PRKG1: variants seen among roughly 807,000 people sequenced by gnomAD.
PRKG1 encodes cGMP-dependent protein kinase 1.
A neutral mutation model predicts 88.1 loss-of-function variants in PRKG1; 35 were observed. The observed-to-expected ratio is 0.40, with a 90% CI of 0.30 to 0.53. The LOEUF is 0.53. PRKG1 is among the 20% of genes least tolerant of loss of function. PRKG1 has a pLI of 0.59. For synonymous variants in PRKG1, 303 were observed against 292.5 expected (o/e 1.04, Z -0.37); for missense variants, 540 against 839.8 (o/e 0.64, Z 4.41).
intron 3 of PRKG1, among the ~76,000 whole-genome samples, chr10:51,745,439 TA>T (rs1291581743): frequency 6.6e-6 from 1 of 152,168 alleles, no homozygotes; most frequent in East Asian, 1.9e-4. Flanking sequence ...TTCCAATTAG[TA>T]CACTTTAAAT....
intron 5 of PRKG1, among the ~76,000 whole-genome samples, chr10:51,953,018 GCCCTTTGCTCAAATGC>G (rs1292201968): frequency 6.6e-6 from 1 of 152,136 alleles, no homozygotes; most frequent in African/African-American, 2.4e-5. Flanking sequence ...TCTTCTAAAT[GCCCTTTGCTCAAATGC>G]ATACATTTTG....
chr10:51,600,141 CTTT>C (rs1203027265), intron 3 of PRKG1, among the ~76,000 whole-genome samples: 1 of 152,116 alleles, frequency 6.6e-6, no homozygotes, highest in African/African-American at 2.4e-5. Flanking sequence ...AGCTCCCCTT[CTTT>C]GTTTCATGAT....
chr10:51,464,240 A>G (rs1217007723), intron 2 of PRKG1, among the ~76,000 whole-genome samples: 3 of 151,986 alleles, frequency 2.0e-5, no homozygotes, highest in Non-Finnish European at 4.4e-5. Flanking sequence ...GTGAGCCAAG[A>G]TGACACCACT....
At chr10:51,779,111 T>C (rs1838518189) in intron 3 of PRKG1, among the ~76,000 whole-genome samples, 1 of 152,216 alleles carries the variant, frequency 6.6e-6, no homozygotes, top group South Asian at 2.1e-4. Context: ...GCCCTATATT[T>C]CCATAAAAGA....
intron 2 of PRKG1, among the ~76,000 whole-genome samples, chr10:51,316,903 G>C (rs1841336680): frequency 6.6e-6 from 1 of 152,090 alleles, no homozygotes; most frequent in Non-Finnish European, 1.5e-5. Context: ...ACAAAAATGA[G>C]TGGATAGTTA....
intron 3 of PRKG1, among the ~76,000 whole-genome samples, chr10:51,502,844 A>G (rs1354154104): frequency 6.6e-6 from 1 of 152,148 alleles, no homozygotes; most frequent in Non-Finnish European, 1.5e-5. Context: ...AAACTAAATT[A>G]CAATGCCAGG....
intron 2 of PRKG1, among the ~76,000 whole-genome samples, chr10:51,392,869 C>A (rs1298308564): frequency 2.1e-5 from 3 of 140,800 alleles, no homozygotes; most frequent in Non-Finnish European, 3.1e-5. Flanking sequence ...CTGACCCCCC[C>A]ACCTCCCTCC....
intron 3 of PRKG1, among the ~76,000 whole-genome samples, chr10:51,565,637 T>TAATTA (rs1483730766): frequency 6.6e-6 from 1 of 152,116 alleles, no homozygotes; most frequent in African/African-American, 2.4e-5. Context: ...GTATATCCAA[T>TAATTA]GTGCAAACTA....
intron 7 of PRKG1, chr10:52,128,583 T>C: frequency 1.0e-6 from 1 of 984,852 alleles, no homozygotes. Flanking sequence ...TTTTGGGATA[T>C]TTTTCATGCT....
intron 3 of PRKG1, among the ~76,000 whole-genome samples, chr10:51,534,272 C>T (rs1327916840): frequency 6.6e-6 from 1 of 152,118 alleles, no homozygotes; most frequent in East Asian, 1.9e-4. Context: ...AATCAATAAA[C>T]TTACAAACTC....
intron 9 of PRKG1, among the ~76,000 whole-genome samples, chr10:52,233,444 C>T (rs1299118153): frequency 8.1e-5 from 12 of 148,800 alleles, no homozygotes; most frequent in Non-Finnish European, 1.5e-4. Flanking sequence ...TGGGCGCAGG[C>T]CAGTGGGTGC....
At chr10:51,735,038 T>C (rs1206751266) in intron 3 of PRKG1, among the ~76,000 whole-genome samples, 2 of 152,210 alleles carry the variant, frequency 1.3e-5, no homozygotes, top group Admixed American at 6.5e-5. Context: ...CAGAGTGAGA[T>C]AGGGAATTAG....
chr10:51,074,692 G>C lies in PRKG1; in HGVS notation c.102G>C (p.Gln34His). 6.2e-7 allele frequency: 1 copy of C among 1,614,016 alleles called. No homozygotes were observed. The highest frequency in any genetic ancestry group is 8.5e-7 in the Non-Finnish European group (1 of 1,179,952). Residue 34 changes from glutamine (Q) to histidine (H), a missense_variant, in exon 1 of 18, where the codon CAG (glutamine) becomes CAC (histidine). Transcript: ENST00000373980. Reference protein sequence around the residue: ...LIDELELELDQKDELIQKLQN... With the variant: ...LIDELELELDHKDELIQKLQN... ...ACGAGCTGGAGCTGGAGTTGGATCA[G>C]AAGGACGAACTGATCCAGAAGCTGC... is the stretch of plus-strand genomic sequence containing the variant.
intron 3 of PRKG1, among the ~76,000 whole-genome samples, chr10:51,515,717 G>A (rs888881347): frequency 8.6e-5 from 13 of 152,010 alleles, no homozygotes; most frequent in Non-Finnish European, 1.3e-4. Flanking sequence ...TCCAATCAAC[G>A]CAGGATATTT....
At chr10:51,287,829 T>A (rs1840481570) in intron 2 of PRKG1, among the ~76,000 whole-genome samples, 1 of 152,178 alleles carries the variant, frequency 6.6e-6, no homozygotes, top group African/African-American at 2.4e-5. Flanking sequence ...TGCCTTTTAT[T>A]TTTGCAATTA....
intron 2 of PRKG1, among the ~76,000 whole-genome samples, chr10:51,181,973 G>GT (rs1488074378): frequency 6.6e-6 from 1 of 152,234 alleles, no homozygotes; most frequent in Non-Finnish European, 1.5e-5. Context: ...AGAGTGCACA[G>GT]TTGGAACAAC....
intron 3 of PRKG1, among the ~76,000 whole-genome samples, chr10:51,469,706 A>C (rs902221413): frequency 6.6e-6 from 1 of 151,880 alleles, no homozygotes; most frequent in African/African-American, 2.4e-5. Context: ...AAAGAAAATG[A>C]GTAATGGGAC....
chr10:51,064,329 G>A (rs183081488), intron 1 of PRKG1, among the ~76,000 whole-genome samples: 1 of 152,002 alleles, frequency 6.6e-6, no homozygotes, highest in African/African-American at 2.4e-5. Flanking sequence ...TGCCAAGAGG[G>A]TTTTTACATT....
At chr10:52,105,920 T>C (rs9804211) in intron 7 of PRKG1, among the ~76,000 whole-genome samples, 36,019 of 151,874 alleles carry the variant, frequency 0.24, 4,568 homozygotes, top group South Asian at 0.4. Context: ...CACCCATCAC[T>C]CAAGCAGTGT....
Sources: gnomAD v4.1 joint callset for allele counts (sites outside exome capture counted in the v4.1 genomes callset) on GRCh38, gnomAD v4.1.1 for gene constraint, MANE v1.5 for transcripts, NCBI Gene and HGNC (gene_info 2026-07-23, HGNC 2026-07-21) for gene names.